The following TASOR variants were observed in gnomAD, a reference collection of about 807,000 sequenced individuals.
TASOR encodes protein TASOR.
A neutral mutation model predicts 178.6 loss-of-function variants in TASOR; 53 were observed. The ratio of observed to expected loss-of-function variants is 0.30; its 90% CI spans 0.24 to 0.37. The LOEUF is 0.37. Among genes scored for constraint, TASOR ranks in the 10% least tolerant of loss-of-function variants. The pLI, the probability that TASOR is intolerant of heterozygous loss-of-function variation, is 1.00. For missense variants in TASOR, 1,815 were observed against 1,971.4 expected, an observed-to-expected ratio of 0.92 and a Z score of 1.50; for synonymous variants, 713 against 696.2, an observed-to-expected ratio of 1.02 and a Z score of -0.38.
In TASOR at chr3:56,622,693, T is replaced by A. The variant is rs1424646835; in HGVS notation, c.*344A>T. ...AATTCACTTCAACAAAAGTACTTTATATCAGGTGACATTAGAGAAAAAGAA... is the reference window on the plus strand; with the variant it reads ...AATTCACTTCAACAAAAGTACTTTAAATCAGGTGACATTAGAGAAAAAGAA... On this transcript the variant is annotated 3_prime_UTR_variant, in exon 24 of 24. Transcript: ENST00000683822. 1 of 163,096 alleles carries A rather than the reference T, an allele frequency of 6.1e-6. No homozygotes were observed. The highest frequency in any genetic ancestry group is 6.4e-5 in the Admixed American group (1 of 15,660). The allele number at this position is 163,096 out of a possible 1,614,324, so 10.1% of individuals were successfully genotyped here.
intron 11 of TASOR, among the ~76,000 whole-genome samples, chr3:56,653,643 TCAAA>T (rs1212979845): frequency 6.6e-6 from 1 of 151,850 alleles, no homozygotes; most frequent in Non-Finnish European, 1.5e-5. Context: ...TACATTTTTC[TCAAA>T]CACAGAAGGA....
At chr3:56,623,975 AAAAC>A (rs1185521910) in intron 23 of TASOR, 4 of 683,050 alleles carry the variant, frequency 5.9e-6, no homozygotes, top group Non-Finnish European at 9.5e-6. Flanking sequence ...TTTTTCATCA[AAAAC>A]AAAAGTACAT....
Position 56,627,539 on chromosome 3 carries a change from GAGTC to G in TASOR, c.4030+39_4030+42del, listed in dbSNP as rs369734011. The G allele has an allele frequency of 2.0e-4, 317 of 1,598,982 alleles. 1 individual carries two copies. In the African/African-American group the frequency reaches 3.9e-3, roughly 20 times the overall value. On this transcript the variant is annotated intron_variant, in intron 20 of 23. Coordinates refer to ENST00000683822, the MANE Select transcript of TASOR (RefSeq NM_001365635.2). ...ATGGACAGTACATTAAAAAGTATGA[GAGTC>G]AGAAGAGGAGTTACGTGCTCAAAAG...
At chr3:56,624,392 A>G (rs2076753451) in intron 23 of TASOR, 87 bp downstream of exon 23, 2 of 1,424,434 alleles carry the variant, frequency 1.4e-6, no homozygotes, top group East Asian at 4.6e-5. Flanking sequence ...CGTGGTTTCA[A>G]AATGGTCATT....
intron 1 of TASOR, among the ~76,000 whole-genome samples, chr3:56,674,870 G>C (rs111635056): frequency 6.6e-6 from 1 of 152,316 alleles, no homozygotes; most frequent in East Asian, 1.9e-4. Context: ...CCAGGCTGGA[G>C]TGCAGTGACA....
Position 56,621,513 on chromosome 3 carries a change from T to C in TASOR, c.*1524A>G. 6.5e-7 allele frequency: 1 copy of C among 1,527,444 alleles called. No homozygotes were observed. The highest frequency in any genetic ancestry group is 8.9e-7 in the Non-Finnish European group (1 of 1,120,178). The allele number at this position is 1,527,444 out of a possible 1,614,324, so 94.6% of individuals were successfully genotyped here. Reference sequence around the variant, plus strand: ...GGTGTGCACATTTTACTAACAAACATATATCAATGTGATTTCAGGGCCTTC... The same window carrying C: ...GGTGTGCACATTTTACTAACAAACACATATCAATGTGATTTCAGGGCCTTC... On this transcript the variant is annotated 3_prime_UTR_variant, in exon 24 of 24. Coordinates refer to ENST00000683822, the MANE Select transcript of TASOR (RefSeq NM_001365635.2).
Position 56,621,818 on chromosome 3 carries a change from TA to T in TASOR, c.*1218del, listed in dbSNP as rs11401064. On this transcript the variant is annotated 3_prime_UTR_variant, in exon 24 of 24. Coordinates refer to ENST00000683822, the MANE Select transcript of TASOR (RefSeq NM_001365635.2). ...TACTTCTTTTGTAAAAGCTTAGTAG[TA>T]AAAAAAAAAAAAAAAAAACCGGTTC... The T allele has an allele frequency of 0.011, 1,454 of 134,012 alleles. 3 individuals are homozygous for T. Among genetic ancestry groups the T allele is most frequent in the East Asian group, 0.017 (88 of 5,060 alleles). The allele number at this position is 134,012 out of a possible 1,614,324, so 8.3% of individuals were successfully genotyped here. A position where few individuals can be genotyped will look rare whatever the true frequency, so the allele number is the denominator to read the frequency against.
rs184094290 is a variant in TASOR at position 56,646,404 on chromosome 3, C to T, written c.2215+118G>A. On this transcript the variant is annotated intron_variant, in intron 14 of 23. Coordinates refer to ENST00000683822, the MANE Select transcript of TASOR (RefSeq NM_001365635.2). Reference sequence around the variant, plus strand: ...CTGTATTCAAATACAACTTTCTTTACAAAAATAGTGGACAGGCTGAATTTG... The same window carrying T: ...CTGTATTCAAATACAACTTTCTTTATAAAAATAGTGGACAGGCTGAATTTG... 1.8e-5 allele frequency: 14 copies of T among 796,476 alleles called. No homozygotes were observed. In the East Asian group the frequency reaches 3.1e-4, roughly 18 times the overall value. 49.3% of individuals were successfully genotyped at this position (796,476 alleles called of 1,614,324 possible).
At chr3:56,634,508 C>T (rs1056478515) in intron 17 of TASOR, among the ~76,000 whole-genome samples, 3 of 152,152 alleles carry the variant, frequency 2.0e-5, no homozygotes, top group Admixed American at 6.5e-5. Context: ...CTTGTTCTCA[C>T]TTACGAGGTT....
intron 11 of TASOR, among the ~76,000 whole-genome samples, chr3:56,659,813 C>T (rs2077553019): frequency 6.6e-6 from 1 of 152,128 alleles, no homozygotes; most frequent in South Asian, 2.1e-4. Flanking sequence ...CTACTTTCCC[C>T]CAACTACTCT....
At chr3:56,625,177 G>A (rs867533610) in intron 21 of TASOR, among the ~76,000 whole-genome samples, 171 bp from the exon 22 acceptor site, 6 of 151,502 alleles carry the variant, frequency 4.0e-5, no homozygotes, top group Admixed American at 3.3e-4. Flanking sequence ...AAAGAAAGAA[G>A]GGATAAGTCC....
chr3:56,633,843 T>C lies in TASOR; in HGVS notation c.2948A>G (p.Asp983Gly), dbSNP rs1384326335. 2 of 1,613,822 alleles carry C rather than the reference T, an allele frequency of 1.2e-6. No homozygotes were observed. Among genetic ancestry groups the C allele is most frequent in the Non-Finnish European group, 1.7e-6 (2 of 1,179,946 alleles). The stretch of plus-strand genomic sequence containing the variant: ...ATCCTCAGTGGTGCCCTTTAGTGTG[T>C]CTGTAAATGGAGAGGATGGAAACTG... ...DYQFPSSPFT[D>G]TLKGTTEDDV... Residue 983 changes from aspartate (D) to glycine (G), a missense_variant, in exon 18 of 24, where the codon GAC (aspartate) becomes GGC (glycine). By Grantham distance (94) the Asp-to-Gly change is moderately conservative. Around this residue, in one of 5 missense-constraint regions of TASOR, gnomAD observed 655 missense variants for 671.1 expected, o/e 0.98. Coordinates refer to ENST00000683822, the MANE Select transcript of TASOR (RefSeq NM_001365635.2).
chr3:56,660,609 C>T (rs1559843453), intron 11 of TASOR, 122 bp downstream of exon 11: 13 of 683,640 alleles, frequency 1.9e-5, no homozygotes, highest in South Asian at 1.3e-4. Flanking sequence ...TAAACAGCAG[C>T]AACAGACAGA....
In TASOR at chr3:56,668,551, A is replaced by T. The variant is rs1416686254; in HGVS notation, c.743T>A (p.Ile248Lys). 34 of 1,541,148 alleles carry T rather than the reference A, an allele frequency of 2.2e-5. No homozygotes were observed. Among genetic ancestry groups the T allele is most frequent in the Non-Finnish European group, 3.0e-5 (34 of 1,143,478 alleles). ...ACCCATGGGGTCATATATACTCTTTATTTTACCCTAAAATAGAGAAAACCT... is the reference window on the plus strand; with the variant it reads ...ACCCATGGGGTCATATATACTCTTTTTTTTACCCTAAAATAGAGAAAACCT... ...VVIFKIMKGK[I>K]KSIYDPMGVK... The change falls in exon 6 of 24, where the codon ATA (isoleucine) becomes AAA (lysine). Residue 248 changes from isoleucine to lysine, a missense_variant. Physicochemically the swap from Ile to Lys is moderately radical, Grantham distance 102. Coordinates refer to ENST00000683822, the MANE Select transcript of TASOR (RefSeq NM_001365635.2).
At chr3:56,667,263 T>G (rs1483622487) in intron 6 of TASOR, among the ~76,000 whole-genome samples, 1 of 152,174 alleles carries the variant, frequency 6.6e-6, no homozygotes, top group Non-Finnish European at 1.5e-5. Context: ...TTTACATAAA[T>G]AAAGCAAAAA....
chr3:56,644,827 A>T (rs2077202320), intron 14 of TASOR, among the ~76,000 whole-genome samples: 1 of 152,212 alleles, frequency 6.6e-6, no homozygotes, highest in Non-Finnish European at 1.5e-5. Flanking sequence ...GTAATGTCAA[A>T]TAGAACTTTC....
At chr3:56,660,589 C>T (rs1016370382) in intron 11 of TASOR, 142 bp downstream of exon 11, 1 of 563,298 alleles carries the variant, frequency 1.8e-6, no homozygotes, top group East Asian at 3.4e-5. Flanking sequence ...CACAGTAAAA[C>T]ACTGTTAACT....
chr3:56,673,530 G>A (rs1315282694), intron 2 of TASOR, 50 bp downstream of exon 2: 3 of 1,363,804 alleles, frequency 2.2e-6, no homozygotes, highest in Admixed American at 3.1e-5. Flanking sequence ...TTCCCAGGCT[G>A]TTAACTGGTT....
At chr3:56,664,226 T>A (rs2077660997) in intron 7 of TASOR, 1 of 152,158 alleles carries the variant, frequency 6.6e-6, no homozygotes, top group South Asian at 2.1e-4. Context: ...GGAGCATTCA[T>A]GGAATATTCA....
Sources: gnomAD v4.1 joint callset for allele counts (sites outside exome capture counted in the v4.1 genomes callset) on GRCh38, gnomAD v4.1.1 for gene constraint, gnomAD v4.1.1 regional missense constraint, MANE v1.5 for transcripts, NCBI Gene and HGNC (gene_info 2026-07-23, HGNC 2026-07-21) for gene names.